The following GALNT13 variants were observed in gnomAD, a reference collection of about 807,000 sequenced individuals.
GALNT13 encodes the protein UDP-GalNAc:polypeptide N-acetylgalactosaminyltransferase 13.
A neutral mutation model predicts 64.2 loss-of-function variants in GALNT13; 28 were observed. The ratio of observed to expected loss-of-function variants is 0.44; its 90% CI spans 0.32 to 0.60. GALNT13 has a LOEUF of 0.60. Ranked by LOEUF, GALNT13 falls within the 20% of genes least tolerant of loss-of-function variation. GALNT13 has a pLI of 0.05. For synonymous variants in GALNT13, 214 were observed against 224.6 expected, an observed-to-expected ratio of 0.95 and a Z score of 0.42; for missense variants, 577 against 669.8, an observed-to-expected ratio of 0.86 and a Z score of 1.53.
the GALNT13 span, among the ~76,000 whole-genome samples, chr2:153,713,565 C>T: frequency 1.3e-5 from 2 of 152,188 alleles, no homozygotes; most frequent in African/African-American, 4.8e-5. Flanking sequence ...TTACTGTAGC[C>T]TCCACCTCCC....
chr2:153,541,774 T>A, the GALNT13 span, among the ~76,000 whole-genome samples: 1 of 152,350 alleles, frequency 6.6e-6, no homozygotes, highest in South Asian at 2.1e-4. Context: ...ATTAGCTTTT[T>A]TGTTCAACGT....
intron 9 of GALNT13, among the ~76,000 whole-genome samples, chr2:154,357,843 A>G (rs138255693): frequency 6.6e-6 from 1 of 152,166 alleles, no homozygotes; most frequent in African/African-American, 2.4e-5. Flanking sequence ...TGCAGCTATT[A>G]TGTTCAAATG....
the GALNT13 span, among the ~76,000 whole-genome samples, chr2:153,666,111 T>C: frequency 6.6e-6 from 1 of 152,042 alleles, no homozygotes; most frequent in Non-Finnish European, 1.5e-5. Context: ...CAGTGCAGCC[T>C]TCATTACCCA....
At chr2:153,421,482 A>G in the GALNT13 span, 1 of 220,384 alleles carries the variant, frequency 4.5e-6, no homozygotes, top group South Asian at 9.1e-5. Context: ...GGCTAGGTAA[A>G]TGGAGAACTT....
intron 10 of GALNT13, among the ~76,000 whole-genome samples, chr2:154,400,931 G>GAAA (rs34961606): frequency 3.5e-4 from 53 of 150,734 alleles, no homozygotes; most frequent in Non-Finnish European, 5.6e-4. Flanking sequence ...CAGGCTTTCT[G>GAAA]AAAAAAAAAT....
At chr2:153,872,973 C>A (rs1037439360) in intron 1 of GALNT13, among the ~76,000 whole-genome samples, 1 of 152,106 alleles carries the variant, frequency 6.6e-6, no homozygotes, top group Non-Finnish European at 1.5e-5. Flanking sequence ...TTCCCTCTTT[C>A]TTTCTTGGGA....
At chr2:154,031,406 A>G (rs1400087881) in intron 3 of GALNT13, among the ~76,000 whole-genome samples, 1 of 152,046 alleles carries the variant, frequency 6.6e-6, no homozygotes, top group Admixed American at 6.6e-5. Context: ...TTAATTTAAC[A>G]GTGTTAATAA....
intron 9 of GALNT13, among the ~76,000 whole-genome samples, chr2:154,387,330 AATC>A (rs1349757185): frequency 6.6e-6 from 1 of 151,386 alleles, no homozygotes; most frequent in African/African-American, 2.5e-5. Context: ...TTTTAACAGT[AATC>A]ATAAGGCACA....
At chr2:153,926,176 A>G (rs987410782) in intron 2 of GALNT13, 1 of 152,132 alleles carries the variant, frequency 6.6e-6, no homozygotes, top group African/African-American at 2.4e-5. Context: ...TTTAATTTAA[A>G]TAATATAAAA....
At chr2:154,064,390 C>G (rs920005396) in intron 3 of GALNT13, among the ~76,000 whole-genome samples, 2 of 152,170 alleles carry the variant, frequency 1.3e-5, no homozygotes, top group Non-Finnish European at 2.9e-5. Context: ...TCTAATGAGA[C>G]ACTAGCCAGG....
At chr2:153,857,380 A>G in the GALNT13 span, among the ~76,000 whole-genome samples, 7,321 of 152,232 alleles carry the variant, frequency 0.048, 220 homozygotes, top group East Asian at 0.13. Flanking sequence ...ACATAAGTTA[A>G]TTCATGTTTT....
chr2:153,169,141 T>C, the GALNT13 span, among the ~76,000 whole-genome samples: 33 of 152,346 alleles, frequency 2.2e-4, no homozygotes, highest in African/African-American at 7.5e-4. Flanking sequence ...GGTTCTGATA[T>C]GCACCATACC....
At chr2:154,181,826 T>G (rs1212103726) in intron 4 of GALNT13, among the ~76,000 whole-genome samples, 1 of 152,080 alleles carries the variant, frequency 6.6e-6, no homozygotes, top group Non-Finnish European at 1.5e-5. Context: ...CGTCAGTTCC[T>G]TAGTATCTAA....
At chr2:153,908,431 T>C (rs1038731357) in intron 2 of GALNT13, among the ~76,000 whole-genome samples, 1 of 152,158 alleles carries the variant, frequency 6.6e-6, no homozygotes, top group East Asian at 1.9e-4. Flanking sequence ...TTTGTTGCAA[T>C]TGCTTTTGGT....
At chr2:154,032,577 T>C (rs1432068986) in intron 3 of GALNT13, among the ~76,000 whole-genome samples, 1 of 151,974 alleles carries the variant, frequency 6.6e-6, no homozygotes, top group African/African-American at 2.4e-5. Context: ...GAGAAAATTG[T>C]ATTTATCCAG....
intron 9 of GALNT13, among the ~76,000 whole-genome samples, chr2:154,317,003 A>G (rs1694353306): frequency 6.6e-6 from 1 of 152,180 alleles, no homozygotes; most frequent in Non-Finnish European, 1.5e-5. Context: ...ACTTGAGGTC[A>G]GGAATTCAAG....
intron 3 of GALNT13, among the ~76,000 whole-genome samples, chr2:154,017,127 C>T (rs1697063235): frequency 6.6e-6 from 1 of 152,070 alleles, no homozygotes. Flanking sequence ...GGAGCTGTAT[C>T]CCAGAAAGGG....
At chr2:154,340,241 T>C (rs1362288241) in intron 9 of GALNT13, among the ~76,000 whole-genome samples, 3 of 152,048 alleles carry the variant, frequency 2.0e-5, no homozygotes, top group Non-Finnish European at 2.9e-5. Context: ...TCTTTTCTCA[T>C]CCTTCTTCAT....
chr2:154,017,276 G>A (rs1697072927), intron 3 of GALNT13, among the ~76,000 whole-genome samples: 1 of 151,840 alleles, frequency 6.6e-6, no homozygotes, highest in African/African-American at 2.4e-5. Flanking sequence ...GATAATACTG[G>A]CATTATATTA....
Sources: gnomAD v4.1 joint callset for allele counts (sites outside exome capture counted in the v4.1 genomes callset) on GRCh38, gnomAD v4.1.1 for gene constraint, MANE v1.5 for transcripts, NCBI Gene and HGNC (gene_info 2026-07-23, HGNC 2026-07-21) for gene names.